The following SLC25A18 variants were observed in gnomAD, a reference collection of about 807,000 sequenced individuals.
The protein encoded by SLC25A18 is solute carrier family 25 member 18.
In SLC25A18, 24 loss-of-function variants were observed where a neutral mutation model predicts 31.1. The observed-to-expected ratio is 0.77, with a 90% CI of 0.56 to 1.08. The LOEUF is 1.08. Among genes scored for constraint, SLC25A18 ranks in the 50% least tolerant of loss-of-function variants. The probability of loss-of-function intolerance (pLI) is 0.00; values close to 1 mark genes in which losing one functional copy is unlikely to be tolerated. For missense variants in SLC25A18, 371 were observed against 418.5 expected (o/e 0.89, Z 0.99); for synonymous variants, 173 against 161.9 (o/e 1.07, Z -0.52).
Position 17,589,605 on chromosome 22 carries a change from T to G in SLC25A18, c.746T>G (p.Ile249Ser), listed in dbSNP as rs1569196671. 6.2e-7 allele frequency: 1 copy of G among 1,614,056 alleles called. No homozygotes were observed. The highest frequency in any genetic ancestry group is 2.2e-5 in the East Asian group (1 of 44,876). Reference sequence around the variant, plus strand: ...CTTGATTTAGTTCTGAAAACTCGAATCCAAACCCTCAAGAAAGGCCTGGGC... The same window carrying G: ...CTTGATTTAGTTCTGAAAACTCGAAGCCAAACCCTCAAGAAAGGCCTGGGC... ...VTPLDVLKTR[I>S]QTLKKGLGED... Residue 249 changes from isoleucine (I) to serine (S), a missense_variant, in exon 10 of 11, where the codon ATC becomes AGC. Transcript: ENST00000327451.
chr22:17,565,986 C>T (rs2056927378), intron 1 of SLC25A18, among the ~76,000 whole-genome samples: 1 of 152,176 alleles, frequency 6.6e-6, no homozygotes, highest in Admixed American at 6.5e-5. Flanking sequence ...AGCCACCGCA[C>T]CTGGCCTCTG....
intron 2 of SLC25A18, among the ~76,000 whole-genome samples, chr22:17,574,644 G>A (rs985838403): frequency 6.7e-6 from 1 of 150,000 alleles, no homozygotes; most frequent in African/African-American, 2.5e-5. Context: ...AGCCTCCCGA[G>A]CAGTTGGGAT....
intron 7 of SLC25A18, 29 bp downstream of exon 7, chr22:17,583,563 A>G: frequency 6.2e-7 from 1 of 1,609,602 alleles, no homozygotes; most frequent in Non-Finnish European, 8.5e-7. Flanking sequence ...TCCTATGGGA[A>G]CAGTAAAGGG....
intron 6 of SLC25A18, 136 bp from the exon 7 acceptor site, chr22:17,583,280 A>T: frequency 9.7e-7 from 1 of 1,031,806 alleles, no homozygotes; most frequent in Non-Finnish European, 1.4e-6. Flanking sequence ...CCTAAGGGCT[A>T]GCTGATGACT....
At chr22:17,572,676 T>C (rs112329750) in intron 2 of SLC25A18, among the ~76,000 whole-genome samples, 44,649 of 114,680 alleles carry the variant, frequency 0.39, 9,789 homozygotes, top group African/African-American at 0.6. Context: ...GAGTCTCGCT[T>C]TGTCGCCCAG....
chr22:17,566,507 G>A (rs1002961382), intron 1 of SLC25A18, among the ~76,000 whole-genome samples: 2 of 152,200 alleles, frequency 1.3e-5, no homozygotes, highest in Admixed American at 6.5e-5. Flanking sequence ...CCGCCTCACG[G>A]GTTCAAGCGG....
chr22:17,590,363 A>AATC lies in SLC25A18; in HGVS notation c.*128_*130dup, dbSNP rs1437654221. On this transcript the variant is annotated 3_prime_UTR_variant, in exon 11 of 11. Coordinates refer to ENST00000327451, the MANE Select transcript of SLC25A18 (RefSeq NM_031481.3). ...GTCCTCTGCGTTGTAGTGCTACCTC[A>AATC]ATCTCGGGAGAAACAGCCCTATATT... The AATC allele has an allele frequency of 2.7e-6, 3 of 1,129,488 alleles. No homozygotes were observed. The East Asian group carries it at 7.1e-5, about 27-fold the overall frequency. 70.0% of individuals were successfully genotyped at this position (1,129,488 alleles called of 1,614,324 possible).
chr22:17,568,979 G>T lies in SLC25A18; in HGVS notation c.-263-945G>T, dbSNP rs538976077. Among the ~76,000 whole-genome samples the T allele has an allele frequency of 2.0e-4, 30 of 151,970 alleles. No individual in the cohort carries two copies. In the South Asian group the frequency reaches 6.0e-3, roughly 31 times the overall value. On this transcript the variant is annotated intron_variant, in intron 1 of 10. Coordinates refer to ENST00000327451, the MANE Select transcript of SLC25A18 (RefSeq NM_031481.3). ...TACTACTTATTTTTAATTAGATGGG[G>T]AGGAAAGTCTTTTAAGAGGAACCTC... is the stretch of plus-strand genomic sequence containing the variant.
chr22:17,584,781 C>CAAAAAAAAAAAAAAAAAAAA (rs66948770), intron 7 of SLC25A18, among the ~76,000 whole-genome samples: 4 of 20,068 alleles, frequency 2.0e-4, no homozygotes, highest in African/African-American at 2.7e-4. Context: ...GAATTCATCT[C>CAAAAAAAAAAAAAAAAAAAA]AAAAAAAAAA....
intron 7 of SLC25A18, chr22:17,583,996 T>C (rs2057452396): frequency 5.4e-6 from 5 of 920,576 alleles, no homozygotes; most frequent in Non-Finnish European, 5.2e-6. Context: ...TGCTGCCAGC[T>C]CTAGAACAAA....
intron 1 of SLC25A18, among the ~76,000 whole-genome samples, chr22:17,566,978 A>G (rs947834418): frequency 1.2e-4 from 18 of 152,202 alleles, no homozygotes; most frequent in African/African-American, 2.9e-4. Flanking sequence ...CTAGGGCAAC[A>G]TGGCAAAACC....
intron 2 of SLC25A18, among the ~76,000 whole-genome samples, chr22:17,571,590 CAG>C (rs1048070965): frequency 2.0e-5 from 3 of 151,944 alleles, no homozygotes; most frequent in Non-Finnish European, 2.9e-5. Flanking sequence ...GCCTGGACAA[CAG>C]GGTAAAAATG....
intron 2 of SLC25A18, among the ~76,000 whole-genome samples, 200 bp from the exon 3 acceptor site, chr22:17,579,545 G>A (rs1197766929): frequency 6.6e-6 from 1 of 152,118 alleles, no homozygotes; most frequent in Non-Finnish European, 1.5e-5. Context: ...AGCCTCAGCA[G>A]GCTGCTGTAT....
chr22:17,585,141 A>C (rs2146267383), intron 7 of SLC25A18: 1 of 152,304 alleles, frequency 6.6e-6, no homozygotes, highest in Non-Finnish European at 1.5e-5. Context: ...CTGTAATCCC[A>C]GCACTTTGGG....
chr22:17,568,207 A>G (rs1038049866), intron 1 of SLC25A18, among the ~76,000 whole-genome samples: 19 of 151,894 alleles, frequency 1.3e-4, no homozygotes, highest in African/African-American at 4.6e-4. Context: ...TACTAAAAAA[A>G]TACAAAAAAG....
intron 2 of SLC25A18, 128 bp downstream of exon 2, chr22:17,570,114 G>C: frequency 3.1e-6 from 2 of 637,250 alleles, no homozygotes; most frequent in South Asian, 1.4e-4. Context: ...TTGTTGGATA[G>C]AGTCAGAAGG....
In SLC25A18 at chr22:17,563,592, A is replaced by G; in HGVS notation, c.-385A>G. On this transcript the variant is annotated 5_prime_UTR_variant, in exon 1 of 11. In the 5' UTR this introduces an upstream ATG that the reference lacks. Transcript: ENST00000327451. Reference sequence around the variant, plus strand: ...AAGCAATGAAGCCAGTTCCTTGGATATATCCACGGGCTTTGCTTTGAGAAG... The same window carrying G: ...AAGCAATGAAGCCAGTTCCTTGGATGTATCCACGGGCTTTGCTTTGAGAAG... 3.5e-6 allele frequency: 3 copies of G among 853,468 alleles called. No individual in the cohort carries two copies. Among genetic ancestry groups the G allele is most frequent in the Non-Finnish European group, 4.2e-6 (3 of 709,436 alleles). The allele number at this position is 853,468 out of a possible 1,614,324, so 52.9% of individuals were successfully genotyped here.
chr22:17,582,351 G>T, intron 5 of SLC25A18: 1 of 405,412 alleles, frequency 2.5e-6, no homozygotes, highest in Non-Finnish European at 4.4e-6. Context: ...ACTCCAGCCT[G>T]GGCGACAGAG....
chr22:17,583,316 C>G, intron 6 of SLC25A18, 100 bp from the exon 7 acceptor site: 3 of 1,481,028 alleles, frequency 2.0e-6, no homozygotes, highest in Non-Finnish European at 2.8e-6. Context: ...GTGGCAGCCA[C>G]GGGTGCCATC....
Sources: gnomAD v4.1 joint callset for allele counts (sites outside exome capture counted in the v4.1 genomes callset) on GRCh38, gnomAD v4.1.1 for gene constraint, MANE v1.5 for transcripts, NCBI Gene and HGNC (gene_info 2026-07-23, HGNC 2026-07-21) for gene names.